RBMS3: variants seen among roughly 807,000 people sequenced by gnomAD.
RBMS3 encodes RNA-binding motif, single-stranded-interacting protein 3.
Under a neutral mutation model 66.8 loss-of-function variants are expected in RBMS3, and 27 were observed. That is an observed-to-expected ratio of 0.40 (90% CI 0.30 to 0.56). The LOEUF (loss-of-function observed/expected upper bound fraction) is 0.56, where lower values mean the gene tolerates loss of function less well. Among genes scored for constraint, RBMS3 ranks in the 20% least tolerant of loss-of-function variants. The pLI, the probability that RBMS3 is intolerant of heterozygous loss-of-function variation, is 0.40. For synonymous variants in RBMS3, 188 were observed against 183.0 expected (o/e 1.03, Z -0.22); for missense variants, 513 against 549.5 (o/e 0.93, Z 0.66).
intron 4 of RBMS3, among the ~76,000 whole-genome samples, chr3:29,735,686 A>G (rs1159458113): frequency 6.6e-6 from 1 of 152,322 alleles, no homozygotes; most frequent in African/African-American, 2.4e-5. Flanking sequence ...GAACTCAGAT[A>G]TATTTATTTT....
chr3:29,769,923 A>C (rs1050587710), intron 6 of RBMS3, among the ~76,000 whole-genome samples: 1 of 151,964 alleles, frequency 6.6e-6, no homozygotes, highest in African/African-American at 2.4e-5. Flanking sequence ...TAGAGAAAGA[A>C]AGCAAGAGTG....
At chr3:29,779,297 A>T (rs1290340049) in intron 6 of RBMS3, among the ~76,000 whole-genome samples, 1 of 149,558 alleles carries the variant, frequency 6.7e-6, no homozygotes, top group East Asian at 1.9e-4. Context: ...ATATATGTAA[A>T]CATATATATA....
intron 4 of RBMS3, among the ~76,000 whole-genome samples, chr3:29,633,708 C>A (rs139407603): frequency 2.6e-5 from 4 of 151,812 alleles, no homozygotes; most frequent in African/African-American, 9.7e-5. Flanking sequence ...ACTCAAATTC[C>A]CAGAAACAGA....
chr3:29,359,672 G>A (rs1389211857), intron 1 of RBMS3, among the ~76,000 whole-genome samples: 1 of 152,086 alleles, frequency 6.6e-6, no homozygotes. Context: ...AATCCATCTG[G>A]TCCTGGACTT....
Position 29,807,759 on chromosome 3 carries a change from T to C in RBMS3, c.637+44770T>C, listed in dbSNP as rs192883707. 8.6e-5 allele frequency among the ~76,000 whole-genome samples: 13 copies of C among 151,374 alleles called. No individual in the cohort carries two copies. The East Asian group carries it at 2.5e-3, about 29-fold the overall frequency. ...GCTCAATCTCATTGTAAAAATAAAA[T>C]ACCAAAAAAATAAAAAAGTACTATG... On this transcript the variant is annotated intron_variant, in intron 6 of 14. Transcript: ENST00000383767.
chr3:29,573,043 A>G (rs1019385942), intron 3 of RBMS3, among the ~76,000 whole-genome samples: 1 of 152,018 alleles, frequency 6.6e-6, no homozygotes, highest in Non-Finnish European at 1.5e-5. Context: ...TTTCCAGTTT[A>G]TTGGCATATA....
chr3:29,450,933 C>CA (rs1559371669), intron 2 of RBMS3, among the ~76,000 whole-genome samples: 7,633 of 104,226 alleles, frequency 0.073, 232 homozygotes, highest in African/African-American at 0.13. Flanking sequence ...ACACACACAC[C>CA]CCCCACACAC....
At chr3:29,942,367 A>C (rs1014037635) in intron 11 of RBMS3, among the ~76,000 whole-genome samples, 4 of 151,696 alleles carry the variant, frequency 2.6e-5, no homozygotes, top group African/African-American at 7.3e-5. Context: ...AAAAAAATTG[A>C]AAATTAGCTA....
chr3:29,446,906 C>CTTTTTTTTT (rs11293530), intron 2 of RBMS3, among the ~76,000 whole-genome samples: 2 of 68,582 alleles, frequency 2.9e-5, no homozygotes, highest in African/African-American at 6.0e-5. Context: ...ATTAAGCAGT[C>CTTTTTTTTT]TTTTTTTTTT....
chr3:29,541,845 C>G (rs1179945700), intron 3 of RBMS3, among the ~76,000 whole-genome samples: 1 of 152,072 alleles, frequency 6.6e-6, no homozygotes, highest in Non-Finnish European at 1.5e-5. Flanking sequence ...CAGCCCTCAG[C>G]CCTACTGTCT....
intron 2 of RBMS3, among the ~76,000 whole-genome samples, chr3:29,484,750 A>G (rs1419854281): frequency 2.0e-5 from 3 of 152,156 alleles, no homozygotes; most frequent in Admixed American, 1.3e-4. Context: ...CCCTAAAGCT[A>G]CAGATATGCT....
At chr3:29,454,196 G>C (rs534280546) in intron 2 of RBMS3, among the ~76,000 whole-genome samples, 1 of 152,240 alleles carries the variant, frequency 6.6e-6, no homozygotes, top group Admixed American at 6.5e-5. Context: ...TCCCCTCCTG[G>C]GATCTGGCAC....
At chr3:29,468,008 TG>T (rs2125791669) in intron 2 of RBMS3, among the ~76,000 whole-genome samples, 1 of 152,332 alleles carries the variant, frequency 6.6e-6, no homozygotes, top group African/African-American at 2.4e-5. Context: ...CCTCTTTGCC[TG>T]TTGGCTACAG....
intron 4 of RBMS3, among the ~76,000 whole-genome samples, chr3:29,636,841 G>A (rs997989317): frequency 6.6e-6 from 1 of 151,872 alleles, no homozygotes; most frequent in Non-Finnish European, 1.5e-5. Context: ...TTTCGTTAAT[G>A]AGTAAAGTAA....
chr3:29,560,638 T>A (rs1222921672), intron 3 of RBMS3, among the ~76,000 whole-genome samples: 1 of 152,222 alleles, frequency 6.6e-6, no homozygotes, highest in Admixed American at 6.5e-5. Flanking sequence ...TAACATACAA[T>A]GGAATTAAAG....
chr3:29,767,280 T>A (rs1258050586), intron 6 of RBMS3: 1 of 151,918 alleles, frequency 6.6e-6, no homozygotes, highest in Non-Finnish European at 1.5e-5. Context: ...AAAAAATAAA[T>A]CATGTTTTGC....
chr3:29,565,771 T>A (rs2046720658), intron 3 of RBMS3, among the ~76,000 whole-genome samples: 1 of 152,148 alleles, frequency 6.6e-6, no homozygotes, highest in Non-Finnish European at 1.5e-5. Context: ...ATGAAAAAAA[T>A]TGTTTTCTTT....
chr3:29,749,640 C>G (rs1375339015), intron 5 of RBMS3, among the ~76,000 whole-genome samples: 1 of 152,164 alleles, frequency 6.6e-6, no homozygotes, highest in Non-Finnish European at 1.5e-5. Context: ...TCTTGAGGTT[C>G]CTGGACCTGT....
chr3:29,756,907 A>G (rs1004909431), intron 5 of RBMS3, among the ~76,000 whole-genome samples: 4 of 152,176 alleles, frequency 2.6e-5, no homozygotes, highest in African/African-American at 9.7e-5. Context: ...CTCCTGGCAT[A>G]TATCAGTGTC....
Sources: gnomAD v4.1 joint callset for allele counts (sites outside exome capture counted in the v4.1 genomes callset) on GRCh38, gnomAD v4.1.1 for gene constraint, MANE v1.5 for transcripts, NCBI Gene and HGNC (gene_info 2026-07-23, HGNC 2026-07-21) for gene names.